Variants in EBF3 observed in about 807,000 individuals in gnomAD.
The protein encoded by EBF3 is EBF transcription factor 3, also known as transcription factor COE3.
A neutral mutation model predicts 77.1 loss-of-function variants in EBF3; 18 were observed. The ratio of observed to expected loss-of-function variants is 0.23; its 90% CI spans 0.16 to 0.35. The LOEUF (loss-of-function observed/expected upper bound fraction) is 0.35, where lower values mean the gene tolerates loss of function less well. Among genes scored for constraint, EBF3 ranks in the 10% least tolerant of loss-of-function variants. The probability of loss-of-function intolerance (pLI) is 1.00; values close to 1 mark genes in which losing one functional copy is unlikely to be tolerated. For synonymous variants in EBF3, 350 were observed against 343.5 expected (o/e 1.02, Z -0.21); for missense variants, 558 against 860.0 (o/e 0.65, Z 4.39).
chr10:129,861,328 G>GA lies in EBF3; in HGVS notation c.1039+5812dup, dbSNP rs140542714. On this transcript the variant is annotated intron_variant, in intron 10 of 16. Transcript: ENST00000440978. The surrounding 1 kb of genome is among the most constrained non-coding windows in gnomAD (Gnocchi z 4.3). ...AGATGCACGCCACCCCACTTGGTAC[G>GA]AAAAAAAAAGTCACCCTTTGCCATC... Among the ~76,000 whole-genome samples the GA allele has an allele frequency of 4.0e-5, 6 of 150,878 alleles. No individual in the cohort carries two copies. Among genetic ancestry groups the GA allele is most frequent in the South Asian group, 2.1e-4 (1 of 4,758 alleles).
intron 11 of EBF3, 200 bp from the exon 12 acceptor site, chr10:129,843,402 G>A (rs1850232358): frequency 3.7e-6 from 2 of 533,488 alleles, no homozygotes; most frequent in East Asian, 2.9e-5. Flanking sequence ...CCTTTACAAG[G>A]AGGCTGAATA....
At chr10:129,865,156 G>A (rs1466387917) in intron 10 of EBF3, among the ~76,000 whole-genome samples, 5 of 152,162 alleles carry the variant, frequency 3.3e-5, no homozygotes, top group African/African-American at 7.2e-5. Context: ...AATGTGCACC[G>A]TGTGGCTTCA....
chr10:129,961,286 A>G (rs950581184), intron 4 of EBF3, among the ~76,000 whole-genome samples: 1 of 152,226 alleles, frequency 6.6e-6, no homozygotes, highest in African/African-American at 2.4e-5. Context: ...GATTTAATCT[A>G]CAAACTGGAC....
intron 11 of EBF3, chr10:129,845,359 A>G (rs553512511): frequency 6.6e-6 from 1 of 152,368 alleles, no homozygotes; most frequent in South Asian, 2.1e-4. Flanking sequence ...TTTCAATAGG[A>G]CATAACAGAC....
Position 129,863,948 on chromosome 10 carries a change from T to C in EBF3, c.1039+3193A>G, listed in dbSNP as rs919769086. 6.6e-6 allele frequency among the ~76,000 whole-genome samples: 1 copy of C among 151,960 alleles called. No homozygotes were observed. The highest frequency in any genetic ancestry group is 1.5e-5 in the Non-Finnish European group (1 of 67,954). On this transcript the variant is annotated intron_variant, in intron 10 of 16. Coordinates refer to ENST00000440978, the MANE Select transcript of EBF3 (RefSeq NM_001375380.1). This position sits in a 1 kb window ranked among gnomAD's most constrained non-coding sequence, Gnocchi z 4.0. ...GTGGCAAGCATCACCAAACACCCACTCATGGGAGCATGTCTCGATGGAGGA... is the reference window on the plus strand; with the variant it reads ...GTGGCAAGCATCACCAAACACCCACCCATGGGAGCATGTCTCGATGGAGGA...
chr10:129,914,836 G>C (rs1472786638), intron 6 of EBF3, among the ~76,000 whole-genome samples: 1 of 152,204 alleles, frequency 6.6e-6, no homozygotes, highest in African/African-American at 2.4e-5. Context: ...GGTGTCATGA[G>C]AAGGGAGGCT....
At chr10:129,911,657 C>T (rs547792032) in intron 6 of EBF3, among the ~76,000 whole-genome samples, 17 of 152,100 alleles carry the variant, frequency 1.1e-4, no homozygotes, top group East Asian at 1.9e-4. Flanking sequence ...GCTGGGCTCA[C>T]GGGGCAGGGA....
rs1481381486 is a variant in EBF3, at chr10:129,949,088, CG to C, written c.554+8169del. Among the ~76,000 whole-genome samples the C allele has an allele frequency of 2.0e-5, 3 of 152,138 alleles. No homozygotes were observed. In the East Asian group the frequency reaches 5.8e-4, roughly 29 times the overall value. On this transcript the variant is annotated intron_variant, in intron 6 of 16. Transcript: ENST00000440978. ...CCAAGGCCCGAGGATCACCTGAGGTCGGGAGTTCAAGACCAGCCTGACCAAC... is the reference window on the plus strand; with the variant it reads ...CCAAGGCCCGAGGATCACCTGAGGTCGGAGTTCAAGACCAGCCTGACCAAC...
chr10:129,889,552 C>G (rs1889300), intron 6 of EBF3, among the ~76,000 whole-genome samples: 1 of 152,324 alleles, frequency 6.6e-6, no homozygotes, highest in South Asian at 2.1e-4. Context: ...CTGCACCCCC[C>G]ACCCGCTAAA....
intron 6 of EBF3, among the ~76,000 whole-genome samples, chr10:129,890,456 A>G (rs1031611308): frequency 4.5e-4 from 68 of 152,362 alleles, no homozygotes; most frequent in Non-Finnish European, 5.9e-5. Flanking sequence ...AGCGCCATTA[A>G]CACCATAAGG....
chr10:129,837,411 C>T lies in EBF3; in HGVS notation c.*532G>A, dbSNP rs1849675925. On this transcript the variant is annotated 3_prime_UTR_variant, in exon 17 of 17. Coordinates refer to ENST00000440978, the MANE Select transcript of EBF3 (RefSeq NM_001375380.1). ...CAGTTTCTCCTCATCATATAGTCAT[C>T]CTTTTTTCCAGTCTGATGGCTCATA... The T allele has an allele frequency of 6.7e-6, 1 of 149,358 alleles. No individual in the cohort carries two copies. The highest frequency in any genetic ancestry group is 2.5e-5 in the African/African-American group (1 of 40,674). 9.3% of individuals were successfully genotyped at this position (149,358 alleles called of 1,614,324 possible). A position where few individuals can be genotyped will look rare whatever the true frequency, so the allele number is the denominator to read the frequency against.
At chr10:129,855,459 T>C (rs547036906) in intron 10 of EBF3, among the ~76,000 whole-genome samples, 1 of 152,366 alleles carries the variant, frequency 6.6e-6, no homozygotes, top group South Asian at 2.1e-4. Flanking sequence ...GTGTGGAAAC[T>C]ACATCTACCC....
At chr10:129,844,186 A>AGG (rs1850289662) in intron 11 of EBF3, among the ~76,000 whole-genome samples, 4 of 151,992 alleles carry the variant, frequency 2.6e-5, no homozygotes, top group Non-Finnish European at 5.9e-5. Flanking sequence ...CCTCCTGCGG[A>AGG]CCCCAGGCCC....
chr10:129,872,670 A>G (rs1289615258), intron 8 of EBF3, among the ~76,000 whole-genome samples: 2 of 152,180 alleles, frequency 1.3e-5, no homozygotes, highest in Non-Finnish European at 2.9e-5. Context: ...TCCACAATTC[A>G]TATTGGTCAG....
chr10:129,837,549 A>C lies in EBF3; in HGVS notation c.*394T>G, dbSNP rs1014638050. On this transcript the variant is annotated 3_prime_UTR_variant, in exon 17 of 17. Coordinates refer to ENST00000440978, the MANE Select transcript of EBF3 (RefSeq NM_001375380.1). ...AAAATGTTTGGAGGCATTTTTCATC[A>C]GCGTTTCATGATCATCAAAATGGTG... 1 of 199,470 alleles carries C rather than the reference A, an allele frequency of 5.0e-6. No homozygotes were observed. The highest frequency in any genetic ancestry group is 2.4e-5 in the African/African-American group (1 of 42,442). The allele number at this position is 199,470 out of a possible 1,614,324, so 12.4% of individuals were successfully genotyped here.
intron 6 of EBF3, among the ~76,000 whole-genome samples, chr10:129,900,418 C>T (rs548040615): frequency 6.6e-6 from 1 of 152,226 alleles, no homozygotes; most frequent in African/African-American, 2.4e-5. Flanking sequence ...TGGAGAGAGG[C>T]ACACGGGGAG....
At chr10:129,930,099 A>C (rs1000498919) in intron 6 of EBF3, among the ~76,000 whole-genome samples, 6 of 152,172 alleles carry the variant, frequency 3.9e-5, no homozygotes, top group African/African-American at 1.4e-4. Context: ...TTCAGGCTCC[A>C]GGCCTTTGCA....
intron 4 of EBF3, among the ~76,000 whole-genome samples, chr10:129,960,308 A>G (rs1268344155): frequency 6.6e-6 from 1 of 152,060 alleles, no homozygotes; most frequent in East Asian, 1.9e-4. Flanking sequence ...CAGGCGGACA[A>G]AGCCCTTTCT....
In EBF3 at chr10:129,870,041, A is replaced by G. The variant is rs1218738869; in HGVS notation, c.782-2129T>C. ...AAATTTACTTTGGAGGTGAGAAAAGAAAAAAAGAATCCAGGATCTACTGCA... is the reference window on the plus strand; with the variant it reads ...AAATTTACTTTGGAGGTGAGAAAAGGAAAAAAGAATCCAGGATCTACTGCA... On this transcript the variant is annotated intron_variant, in intron 8 of 16. Transcript: ENST00000440978. This position sits in a 1 kb window ranked among gnomAD's most constrained non-coding sequence, Gnocchi z 4.4. Among the ~76,000 whole-genome samples the G allele has an allele frequency of 6.6e-6, 1 of 152,082 alleles. No individual in the cohort carries two copies. Among genetic ancestry groups the G allele is most frequent in the Non-Finnish European group, 1.5e-5 (1 of 68,010 alleles).
Sources: allele counts gnomAD v4.1 joint callset (sites outside exome capture counted in the v4.1 genomes callset), GRCh38; gene constraint gnomAD v4.1.1; non-coding constraint Gnocchi (gnomAD v3.1); transcripts MANE v1.5; gene names NCBI Gene and HGNC (gene_info 2026-07-23, HGNC 2026-07-21).